PALS1: variants seen among roughly 807,000 people sequenced by gnomAD.
The protein encoded by PALS1 is protein associated with LIN7 1, MAGUK p55 family member.
In PALS1, 31 loss-of-function variants were observed where a neutral mutation model predicts 78.9. That is an observed-to-expected ratio of 0.39 (90% CI 0.30 to 0.53). PALS1 has a LOEUF of 0.53. PALS1 is among the 20% of genes least tolerant of loss of function. The pLI is 0.67. For missense variants in PALS1, 704 were observed against 826.5 expected, an observed-to-expected ratio of 0.85 and a Z score of 1.82; for synonymous variants, 276 against 270.9, an observed-to-expected ratio of 1.02 and a Z score of -0.18.
intron 1 of PALS1, among the ~76,000 whole-genome samples, chr14:67,268,328 A>G (rs1014085952): frequency 3.3e-5 from 5 of 152,194 alleles, no homozygotes; most frequent in Non-Finnish European, 2.9e-5. Flanking sequence ...GATCGAATTC[A>G]TCTGTTACCC....
intron 14 of PALS1, among the ~76,000 whole-genome samples, chr14:67,327,772 GAAT>G (rs2085381340): frequency 6.6e-6 from 1 of 152,106 alleles, no homozygotes; most frequent in Admixed American, 6.5e-5. Flanking sequence ...AGTTTTCTCA[GAAT>G]GATGGTTTCC....
intron 1 of PALS1, among the ~76,000 whole-genome samples, chr14:67,265,125 GA>G: frequency 6.6e-6 from 1 of 152,288 alleles, no homozygotes; most frequent in East Asian, 1.9e-4. Flanking sequence ...TTTAAGCTAT[GA>G]AAATAGCAGT....
chr14:67,290,631 C>T (rs1213028529), intron 3 of PALS1, among the ~76,000 whole-genome samples: 1 of 152,188 alleles, frequency 6.6e-6, no homozygotes, highest in African/African-American at 2.4e-5. Context: ...CTGCTGAGCT[C>T]AAGCAATCTG....
intron 1 of PALS1, among the ~76,000 whole-genome samples, chr14:67,243,550 T>C (rs1047743598): frequency 6.2e-5 from 9 of 144,922 alleles, no homozygotes; most frequent in African/African-American, 2.3e-4. Context: ...TGGAGTGCAG[T>C]GGCGCAATCT....
chr14:67,242,639 T>C (rs972165412), intron 1 of PALS1, among the ~76,000 whole-genome samples: 1 of 152,128 alleles, frequency 6.6e-6, no homozygotes, highest in African/African-American at 2.4e-5. Flanking sequence ...TTTTTTTTTT[T>C]ACTAGATCCC....
chr14:67,279,088 G>T lies in PALS1; in HGVS notation c.-83G>T. ...GAAGTTTTTTTTTTTGAAGTAACAT[G>T]GATTTTATACTACAGAATCAAGAGA... On this transcript the variant is annotated 5_prime_UTR_variant, in exon 3 of 15. The change abolishes an upstream ATG in the 5' untranslated region. Transcript: ENST00000261681. 25 of 1,231,818 alleles carry T rather than the reference G, an allele frequency of 2.0e-5. No individual in the cohort carries two copies. Among genetic ancestry groups the T allele is most frequent in the Admixed American group, 3.1e-5 (1 of 32,160 alleles). The allele number at this position is 1,231,818 out of a possible 1,614,324, so 76.3% of individuals were successfully genotyped here.
chr14:67,277,626 A>C (rs899375037), intron 2 of PALS1, among the ~76,000 whole-genome samples: 3 of 152,200 alleles, frequency 2.0e-5, no homozygotes, highest in Non-Finnish European at 2.9e-5. Flanking sequence ...ATTAGATTTA[A>C]TGTGTGGGTT....
At chr14:67,254,117 T>C (rs948056724) in intron 1 of PALS1, 2 of 148,184 alleles carry the variant, frequency 1.3e-5, no homozygotes, top group African/African-American at 5.0e-5. Flanking sequence ...ATTTACCAAA[T>C]AGCACTGTAT....
Position 67,334,664 on chromosome 14 carries a change from T to C in PALS1, c.*1708T>C, listed in dbSNP as rs1387063909. 1 of 152,446 alleles carries C rather than the reference T, an allele frequency of 6.6e-6. No homozygotes were observed. Among genetic ancestry groups the C allele is most frequent in the Non-Finnish European group, 1.5e-5 (1 of 68,032 alleles). The allele number at this position is 152,446 out of a possible 1,614,324, so 9.4% of individuals were successfully genotyped here. A position where few individuals can be genotyped will look rare whatever the true frequency, so the allele number is the denominator to read the frequency against. ...GGAAATATTTTCAAGATAATGTTCC[T>C]TAGGAAGAAAATAACATTCTTGGGT... On this transcript the variant is annotated 3_prime_UTR_variant, in exon 15 of 15. Transcript: ENST00000261681.
rs577363771 is a variant in PALS1 at position 67,288,182 on chromosome 14, C to G, written c.368-4329C>G. Among the ~76,000 whole-genome samples, 3 of 152,232 alleles carry G rather than the reference C, an allele frequency of 2.0e-5. No individual in the cohort carries two copies. In the East Asian group the frequency reaches 5.8e-4, roughly 29 times the overall value. ...GCAACTTCCGCCTCCGAGGTTCAAG[C>G]GATTCTCCTGCCTCAGCCTCCCAAG... is the stretch of plus-strand genomic sequence containing the variant. On this transcript the variant is annotated intron_variant, in intron 3 of 14. Coordinates refer to ENST00000261681, the MANE Select transcript of PALS1 (RefSeq NM_022474.4).
In PALS1 at chr14:67,253,769, A is replaced by T. The variant is rs543869931; in HGVS notation, c.-237+12236A>T. Among the ~76,000 whole-genome samples, 4 of 152,066 alleles carry T rather than the reference A, an allele frequency of 2.6e-5. No homozygotes were observed. The South Asian group carries it at 8.3e-4, about 32-fold the overall frequency. ...GGTGGGAGGATTACCTAAGCCCAGA[A>T]AGTCAAGGCTGTGGTGAGCCATGTT... is the stretch of plus-strand genomic sequence containing the variant. On this transcript the variant is annotated intron_variant, in intron 1 of 14. Transcript: ENST00000261681.
intron 13 of PALS1, among the ~76,000 whole-genome samples, chr14:67,322,598 A>G (rs562808540): frequency 1.1e-3 from 166 of 152,306 alleles, no homozygotes; most frequent in Non-Finnish European, 1.7e-3. Flanking sequence ...TTTGTGTTTT[A>G]GTGGACAAAT....
rs756166067 is a variant in PALS1 at position 67,321,256 on chromosome 14, A to C, written c.1737A>C (p.Thr579=). 1 of 1,613,976 alleles carries C rather than the reference A, an allele frequency of 6.2e-7. No homozygotes were observed. The highest frequency in any genetic ancestry group is 1.1e-5 in the South Asian group (1 of 91,076). The change falls in exon 13 of 15, where the codon ACA becomes ACC. Residue 579 remains threonine, a synonymous_variant. Coordinates refer to ENST00000261681, the MANE Select transcript of PALS1 (RefSeq NM_022474.4). ...SGKICLLSLR[T]QSLKTLRNSD... is the part of the protein sequence containing the mutation. The stretch of plus-strand genomic sequence containing the variant: ...AAATATGTCTTTTAAGTCTTCGTAC[A>C]CAGGTAAAGCTAGAACTTTGTTTTA...
intron 14 of PALS1, among the ~76,000 whole-genome samples, chr14:67,328,671 G>C (rs2085397048): frequency 6.6e-6 from 1 of 152,142 alleles, no homozygotes. Context: ...GTAAGGAAGG[G>C]ATCCAGTTTC....
intron 1 of PALS1, among the ~76,000 whole-genome samples, chr14:67,265,583 G>A (rs977916606): frequency 1.4e-4 from 21 of 151,734 alleles, no homozygotes; most frequent in African/African-American, 4.1e-4. Flanking sequence ...AAAAGCCAGC[G>A]CAGTGGCTCA....
chr14:67,295,607 A>G (rs1566558112), intron 4 of PALS1, among the ~76,000 whole-genome samples: 1 of 152,226 alleles, frequency 6.6e-6, no homozygotes, highest in Non-Finnish European at 1.5e-5. Context: ...CAATGAAAAG[A>G]TAACTAGGCA....
chr14:67,294,131 A>G (rs1178572035), intron 4 of PALS1, among the ~76,000 whole-genome samples: 1 of 152,218 alleles, frequency 6.6e-6, no homozygotes, highest in Non-Finnish European at 1.5e-5. Flanking sequence ...ACATATTCAC[A>G]TATGTGAATA....
intron 1 of PALS1, among the ~76,000 whole-genome samples, chr14:67,259,865 T>C (rs1432086482): frequency 1.3e-5 from 2 of 148,768 alleles, no homozygotes; most frequent in Non-Finnish European, 2.9e-5. Context: ...TGAGCTATGA[T>C]TGTGCTCCAT....
At chr14:67,311,544 C>T (rs947395480) in intron 8 of PALS1, among the ~76,000 whole-genome samples, 1 of 152,116 alleles carries the variant, frequency 6.6e-6, no homozygotes, top group Non-Finnish European at 1.5e-5. Flanking sequence ...TCACATGCAA[C>T]TTGCCCAGGT....
Sources: allele counts gnomAD v4.1 joint callset (sites outside exome capture counted in the v4.1 genomes callset), GRCh38; gene constraint gnomAD v4.1.1; transcripts MANE v1.5; gene names NCBI Gene and HGNC (gene_info 2026-07-23, HGNC 2026-07-21).